ZCCHC14: variants seen among roughly 807,000 people sequenced by gnomAD.
ZCCHC14 encodes zinc finger CCHC domain-containing protein 14.
A neutral mutation model predicts 85.0 loss-of-function variants in ZCCHC14; 16 were observed. The ratio of observed to expected loss-of-function variants is 0.19; its 90% CI spans 0.13 to 0.29. ZCCHC14 has a LOEUF of 0.29. Ranked by LOEUF, ZCCHC14 falls within the 10% of genes least tolerant of loss-of-function variation. The probability of loss-of-function intolerance (pLI) is 1.00; values close to 1 mark genes in which losing one functional copy is unlikely to be tolerated. For missense variants in ZCCHC14, 1,303 were observed against 1,443.5 expected, an observed-to-expected ratio of 0.90 and a Z score of 1.58; for synonymous variants, 775 against 630.7, an observed-to-expected ratio of 1.23 and a Z score of -3.43.
At chr16:87,464,472 C>T (rs1003719951) in intron 1 of ZCCHC14, among the ~76,000 whole-genome samples, 2 of 152,148 alleles carry the variant, frequency 1.3e-5, no homozygotes, top group African/African-American at 4.8e-5. Context: ...AGAGGAGACC[C>T]AGAGAAAACA....
In ZCCHC14 at chr16:87,411,965, G is replaced by A. The variant is rs540185482; in HGVS notation, c.2756C>T (p.Pro919Leu). 20 of 1,603,306 alleles carry A rather than the reference G, an allele frequency of 1.2e-5. No homozygotes were observed. The highest frequency in any genetic ancestry group is 7.8e-5 in the South Asian group (7 of 90,130). Reference sequence around the variant, plus strand: ...GGACGTGCACACAATGCAGCCTGGCGGGGGTGGGGCGGGCTGCGGGGGTGC... The same window carrying A: ...GGACGTGCACACAATGCAGCCTGGCAGGGGTGGGGCGGGCTGCGGGGGTGC... ...PPAPPQPAPP[P>L]PGCIVCTSCG... Residue 919 changes from proline (P) to leucine (L), a missense_variant, in exon 12 of 13, where the codon CCG (proline) becomes CTG (leucine). Pro to Leu is a moderately conservative substitution (Grantham distance 98). Coordinates refer to ENST00000671377, the MANE Select transcript of ZCCHC14 (RefSeq NM_015144.3).
intron 10 of ZCCHC14, among the ~76,000 whole-genome samples, chr16:87,413,419 C>A (rs1177540046): frequency 6.6e-6 from 1 of 152,210 alleles, no homozygotes; most frequent in African/African-American, 2.4e-5. Flanking sequence ...CCTGCCGGCC[C>A]CCGCCATCAA....
chr16:87,441,269 G>A lies in ZCCHC14; in HGVS notation c.695-8068C>T, dbSNP rs138499779. Among the ~76,000 whole-genome samples, 322 of 152,332 alleles carry A rather than the reference G, an allele frequency of 2.1e-3. 3 individuals are homozygous for A. The highest frequency in any genetic ancestry group is 7.6e-3 in the African/African-American group (315 of 41,566). Reference sequence around the variant, plus strand: ...GGCCTCCCAAAGTGCTGGGATTACAGGCGTGAGCCACCATGCCCGGCCTCC... The same window carrying A: ...GGCCTCCCAAAGTGCTGGGATTACAAGCGTGAGCCACCATGCCCGGCCTCC... On this transcript the variant is annotated intron_variant, in intron 2 of 12. Coordinates refer to ENST00000671377, the MANE Select transcript of ZCCHC14 (RefSeq NM_015144.3).
At chr16:87,483,152 G>A (rs140477650) in intron 1 of ZCCHC14, among the ~76,000 whole-genome samples, 10 of 151,670 alleles carry the variant, frequency 6.6e-5, no homozygotes, top group East Asian at 5.8e-4. Flanking sequence ...TGAAACTTAC[G>A]GAGTTTCTAA....
intron 1 of ZCCHC14, among the ~76,000 whole-genome samples, chr16:87,486,808 G>C (rs1276890782): frequency 1.3e-5 from 2 of 152,202 alleles, no homozygotes; most frequent in African/African-American, 4.8e-5. Context: ...AGACCAGGCG[G>C]TTCCCAGCTG....
At chr16:87,415,428 G>C in intron 8 of ZCCHC14, 61 bp from the exon 9 acceptor site, 2 of 1,447,960 alleles carry the variant, frequency 1.4e-6, no homozygotes, top group East Asian at 2.3e-5. Context: ...TGAGAACAAA[G>C]AACTTGGAGT....
chr16:87,435,208 G>A (rs973520231), intron 2 of ZCCHC14, among the ~76,000 whole-genome samples: 1 of 152,096 alleles, frequency 6.6e-6, no homozygotes, highest in Non-Finnish European at 1.5e-5. Flanking sequence ...CACACGCTCT[G>A]GGGATGGTTC....
At chr16:87,481,548 G>GGGA (rs1912276126) in intron 1 of ZCCHC14, among the ~76,000 whole-genome samples, 1 of 61,234 alleles carries the variant, frequency 1.6e-5, no homozygotes, top group Non-Finnish European at 3.9e-5. Flanking sequence ...GGGGTGGGGG[G>GGGA]GGGGAAGGGT....
At chr16:87,484,001 C>A (rs1036935116) in intron 1 of ZCCHC14, among the ~76,000 whole-genome samples, 6 of 152,188 alleles carry the variant, frequency 3.9e-5, no homozygotes, top group African/African-American at 1.4e-4. Flanking sequence ...TCTTTATGGA[C>A]TGACAGAGAA....
At chr16:87,418,298 C>T (rs1434485517) in intron 7 of ZCCHC14, among the ~76,000 whole-genome samples, 1 of 152,202 alleles carries the variant, frequency 6.6e-6, no homozygotes, top group Non-Finnish European at 1.5e-5. Flanking sequence ...TGGCCTTGCT[C>T]CTTAACTGCA....
At chr16:87,415,408 A>C in intron 8 of ZCCHC14, 41 bp from the exon 9 acceptor site, 1 of 1,557,596 alleles carries the variant, frequency 6.4e-7, no homozygotes. Context: ...CGGAGACATA[A>C]GTAGGACTCT....
chr16:87,434,414 T>C (rs1275909812), intron 2 of ZCCHC14, among the ~76,000 whole-genome samples: 3 of 152,154 alleles, frequency 2.0e-5, no homozygotes, highest in Non-Finnish European at 4.4e-5. Flanking sequence ...TACACATAAC[T>C]GGGAAAGAGG....
intron 2 of ZCCHC14, among the ~76,000 whole-genome samples, chr16:87,446,593 T>C (rs1910449891): frequency 6.6e-6 from 1 of 152,092 alleles, no homozygotes. Context: ...AATCAGAGTG[T>C]CAGTGGAAAT....
intron 1 of ZCCHC14, among the ~76,000 whole-genome samples, chr16:87,464,031 T>C (rs889819615): frequency 6.6e-6 from 1 of 152,214 alleles, no homozygotes; most frequent in African/African-American, 2.4e-5. Context: ...CCAACTTTGC[T>C]GGTAGTGGCA....
At chr16:87,424,009 T>G in intron 3 of ZCCHC14, 128 bp from the exon 4 acceptor site, 1 of 881,278 alleles carries the variant, frequency 1.1e-6, no homozygotes, top group South Asian at 1.6e-5. Flanking sequence ...GCACCTGCTG[T>G]GGGAAGCACC....
At chr16:87,475,702 C>A (rs1198412610) in intron 1 of ZCCHC14, among the ~76,000 whole-genome samples, 1 of 151,868 alleles carries the variant, frequency 6.6e-6, no homozygotes, top group Non-Finnish European at 1.5e-5. Context: ...AAGTATCCAA[C>A]CCAAAGAACA....
intron 2 of ZCCHC14, among the ~76,000 whole-genome samples, chr16:87,446,572 G>T (rs1225556447): frequency 6.6e-6 from 1 of 152,082 alleles, no homozygotes; most frequent in African/African-American, 2.4e-5. Flanking sequence ...GAAAACGTTT[G>T]CCAGCTCCTG....
chr16:87,426,582 A>G (rs942375890), intron 3 of ZCCHC14, among the ~76,000 whole-genome samples: 1 of 152,190 alleles, frequency 6.6e-6, no homozygotes, highest in Non-Finnish European at 1.5e-5. Flanking sequence ...TTTTCCACAC[A>G]GCCTCCCCCT....
rs746126160 is a variant in ZCCHC14, at chr16:87,413,048, C to A, written c.1744+7G>T. ...AGGTCGAGCCAGCGCCGCGCACGTG[C>A]CCTTACGTCTGTCATTCTCCTCAGC... is the stretch of plus-strand genomic sequence containing the variant. On this transcript the variant is annotated splice_region_variant and intron_variant, in intron 11 of 12. Transcript: ENST00000671377. 13 of 1,614,072 alleles carry A rather than the reference C, an allele frequency of 8.1e-6. No individual in the cohort carries two copies. Among genetic ancestry groups the A allele is most frequent in the Admixed American group, 5.0e-5 (3 of 60,010 alleles).
Sources: allele counts gnomAD v4.1 joint callset (sites outside exome capture counted in the v4.1 genomes callset), GRCh38; gene constraint gnomAD v4.1.1; transcripts MANE v1.5; gene names NCBI Gene and HGNC (gene_info 2026-07-23, HGNC 2026-07-21).